C5orf22: variants seen among roughly 807,000 people sequenced by gnomAD.
C5orf22 encodes UPF0489 protein C5orf22.
Under a neutral mutation model 48.7 loss-of-function variants are expected in C5orf22, and 36 were observed. That is an observed-to-expected ratio of 0.74 (90% CI 0.57 to 0.98). The LOEUF (loss-of-function observed/expected upper bound fraction) is 0.98. Among genes scored for constraint, C5orf22 ranks in the 50% least tolerant of loss-of-function variants. C5orf22 has a pLI of 0.00. For synonymous variants in C5orf22, 141 were observed against 180.8 expected, an observed-to-expected ratio of 0.78 and a Z score of 1.76; for missense variants, 486 against 521.9, an observed-to-expected ratio of 0.93 and a Z score of 0.67.
chr5:31,533,263 TA>T lies in C5orf22; in HGVS notation c.81+805del, dbSNP rs5867085. ...GCTACTGCGCACGGCCCATATTGCG[TA>T]AAAAAAAAAAAAAATTTAACACGGT... is the stretch of plus-strand genomic sequence containing the variant. On this transcript the variant is annotated intron_variant, in intron 1 of 8. Transcript: ENST00000325366. Among the ~76,000 whole-genome samples the T allele has an allele frequency of 5.8e-3, 850 of 146,784 alleles. 11 individuals carry two copies. The highest frequency in any genetic ancestry group is 0.019 in the African/African-American group (770 of 39,694).
chr5:31,539,679 C>G (rs1742330718), intron 4 of C5orf22, among the ~76,000 whole-genome samples: 1 of 151,852 alleles, frequency 6.6e-6, no homozygotes, highest in Non-Finnish European at 1.5e-5. Flanking sequence ...ATATATTAAA[C>G]TTTATTATTT....
At position 31,540,837 on chromosome 5, in the gene C5orf22, T is replaced by G. The variant is rs183312714; in HGVS notation, c.808-112T>G. On this transcript the variant is annotated intron_variant, in intron 4 of 8. Coordinates refer to ENST00000325366, the MANE Select transcript of C5orf22 (RefSeq NM_018356.3). Reference sequence around the variant, plus strand: ...TCTCCCATACATACCTTTAAATAATTATCTAAGATGTTCTTGTATCACAAG... The same window carrying G: ...TCTCCCATACATACCTTTAAATAATGATCTAAGATGTTCTTGTATCACAAG... 1.4e-3 allele frequency: 1,081 copies of G among 746,074 alleles called. 5 individuals are homozygous for G. In the African/African-American group the frequency reaches 0.017, roughly 12 times the overall value. The allele number at this position is 746,074 out of a possible 1,614,324, so 46.2% of individuals were successfully genotyped here.
chr5:31,541,189 T>C (rs552062278), intron 5 of C5orf22, 92 bp from the exon 6 acceptor site: 1 of 1,378,410 alleles, frequency 7.3e-7, no homozygotes, highest in East Asian at 2.3e-5. Flanking sequence ...AATTATGTTT[T>C]AACTAATAGA....
At chr5:31,540,475 C>T (rs1015124123) in intron 4 of C5orf22, among the ~76,000 whole-genome samples, 4 of 152,142 alleles carry the variant, frequency 2.6e-5, no homozygotes. Flanking sequence ...TGCCTTTGTA[C>T]TTCAGAGATC....
chr5:31,540,523 A>G (rs1742388094), intron 4 of C5orf22, among the ~76,000 whole-genome samples: 1 of 152,174 alleles, frequency 6.6e-6, no homozygotes, highest in Non-Finnish European at 1.5e-5. Flanking sequence ...AAGTGAACAT[A>G]GGGAGTTCTT....
chr5:31,537,633 T>C (rs1342287811), intron 3 of C5orf22, among the ~76,000 whole-genome samples: 2 of 152,226 alleles, frequency 1.3e-5, no homozygotes, highest in African/African-American at 4.8e-5. Context: ...GAGAATATTA[T>C]GGTTATATAG....
intron 3 of C5orf22, among the ~76,000 whole-genome samples, chr5:31,537,207 G>A (rs1014127819): frequency 5.9e-5 from 9 of 152,126 alleles, no homozygotes; most frequent in Admixed American, 5.2e-4. Context: ...ACAGACATTT[G>A]AAACTCCACG....
At position 31,541,376 on chromosome 5, in the gene C5orf22, G is replaced by A. The variant is rs369180127; in HGVS notation, c.966G>A (p.Thr322=). 51 of 1,613,806 alleles carry A rather than the reference G, an allele frequency of 3.2e-5. No individual in the cohort carries two copies. The highest frequency in any genetic ancestry group is 8.0e-5 in the African/African-American group (6 of 74,854). The change falls in exon 6 of 9, where the codon ACG becomes ACA. Residue 322 remains threonine, a synonymous_variant. Transcript: ENST00000325366. The stretch of plus-strand genomic sequence containing the variant: ...TGTGTGATGGTGATGATGAAGAAAC[G>A]GTACAGAGATGGGCTTCAAACCCTG... ...ADLCDGDDEE[T]VQRWASNPGM...
At chr5:31,545,799 C>T in intron 7 of C5orf22, 87 bp downstream of exon 7, 1 of 855,214 alleles carries the variant, frequency 1.2e-6, no homozygotes, top group Admixed American at 2.5e-5. Context: ...TAAAGTGGTT[C>T]GTTTTTGTTT....
intron 7 of C5orf22, among the ~76,000 whole-genome samples, chr5:31,546,693 CTT>C (rs1196024873): frequency 6.6e-6 from 1 of 152,128 alleles, no homozygotes; most frequent in African/African-American, 2.4e-5. Flanking sequence ...TGCAGGGAGA[CTT>C]TTGTTTTTAA....
intron 7 of C5orf22, among the ~76,000 whole-genome samples, chr5:31,549,909 A>G (rs1743139395): frequency 6.6e-6 from 1 of 152,140 alleles, no homozygotes; most frequent in Non-Finnish European, 1.5e-5. Context: ...AATTCATACA[A>G]TATTATCAAA....
intron 2 of C5orf22, 54 bp downstream of exon 2, chr5:31,534,471 G>A: frequency 6.8e-7 from 1 of 1,476,238 alleles, no homozygotes; most frequent in Non-Finnish European, 9.2e-7. Context: ...ATTTGCAGTA[G>A]ATAATAAGCA....
intron 6 of C5orf22, among the ~76,000 whole-genome samples, chr5:31,541,939 A>G (rs188076469): frequency 2.6e-5 from 4 of 152,202 alleles, no homozygotes; most frequent in Admixed American, 2.6e-4. Context: ...AATTTTATAG[A>G]TGAGGAAACC....
At chr5:31,551,802 C>T (rs758278721) in intron 8 of C5orf22, among the ~76,000 whole-genome samples, 17 of 152,212 alleles carry the variant, frequency 1.1e-4, no homozygotes, top group Admixed American at 5.9e-4. Flanking sequence ...TTTAGGACTT[C>T]TGACCTCCAA....
chr5:31,546,078 T>C (rs893812682), intron 7 of C5orf22, among the ~76,000 whole-genome samples: 8 of 152,168 alleles, frequency 5.3e-5, no homozygotes, highest in Non-Finnish European at 1.2e-4. Flanking sequence ...CTTCCTTCTT[T>C]TCCTCCCTAT....
In C5orf22 at chr5:31,534,391, C is replaced by T. The variant is rs760741460; in HGVS notation, c.201C>T (p.Thr67=). 52 of 1,611,434 alleles carry T rather than the reference C, an allele frequency of 3.2e-5. No individual in the cohort carries two copies. The highest frequency in any genetic ancestry group is 4.2e-5 in the Non-Finnish European group (50 of 1,179,362). The part of the protein sequence containing the change: ...LLIPVNMPAD[T]VFDKETLFGE... ...TTCCTGTGAATATGCCAGCAGACAC[C>T]GTGTTTGATAAGGAAACACTCTTTG... The change falls in exon 2 of 9, where the codon ACC becomes ACT. Residue 67 remains threonine (T), a synonymous_variant. Transcript: ENST00000325366.
At chr5:31,551,877 T>C (rs888400468) in intron 8 of C5orf22, among the ~76,000 whole-genome samples, 6 of 152,218 alleles carry the variant, frequency 3.9e-5, no homozygotes, top group African/African-American at 1.4e-4. Flanking sequence ...ATAGCAGCAG[T>C]AGGAAACTAA....
In C5orf22 at chr5:31,551,292, G is replaced by C; in HGVS notation, c.1060-1G>C. The C allele has an allele frequency of 6.2e-7, 1 of 1,612,470 alleles. No individual in the cohort carries two copies. Among genetic ancestry groups the C allele is most frequent in the Non-Finnish European group, 8.5e-7 (1 of 1,179,548 alleles). ...GTAATTTTTAATTGTCTTATTTTCA[G>C]GTTCACCAGGCTGGTTTAACCTGCG... On this transcript the variant is annotated splice_acceptor_variant, in intron 7 of 8. Transcript: ENST00000325366. LOFTEE classifies it high-confidence loss of function.
At position 31,551,311 on chromosome 5, in the gene C5orf22, A is replaced by G; in HGVS notation, c.1078A>G (p.Thr360Ala). The change falls in exon 8 of 9, where the codon ACC becomes GCC. Residue 360 changes from threonine to alanine, a missense_variant. This residue lies in a region of C5orf22 where 408 missense variants were observed against 444.0 expected (regional missense o/e 0.92). Transcript: ENST00000325366. ...DYEMVHQAGL[T>A]CDYSELPHHI... The stretch of plus-strand genomic sequence containing the variant: ...TTTTCAGGTTCACCAGGCTGGTTTA[A>G]CCTGCGATTATTCAGAACTTCCTCA... 1 of 1,613,602 alleles carries G rather than the reference A, an allele frequency of 6.2e-7. No homozygotes were observed. The highest frequency in any genetic ancestry group is 8.5e-7 in the Non-Finnish European group (1 of 1,179,796).
Sources: allele counts gnomAD v4.1 joint callset (sites outside exome capture counted in the v4.1 genomes callset), GRCh38; gene constraint gnomAD v4.1.1; regional missense constraint gnomAD v4.1.1; transcripts MANE v1.5; gene names NCBI Gene and HGNC (gene_info 2026-07-23, HGNC 2026-07-21).